Variants in STXBP5L observed in about 807,000 individuals in gnomAD.
STXBP5L encodes the protein syntaxin-binding protein 5-like.
Under a neutral mutation model 144.5 loss-of-function variants are expected in STXBP5L, and 65 were observed. The ratio of observed to expected loss-of-function variants is 0.45; its 90% CI spans 0.37 to 0.55. The LOEUF (loss-of-function observed/expected upper bound fraction) is 0.55, where lower values mean the gene tolerates loss of function less well. Among genes scored for constraint, STXBP5L ranks in the 20% least tolerant of loss-of-function variants. The pLI is 0.00. For missense variants in STXBP5L, 1,298 were observed against 1,405.5 expected (o/e 0.92, Z 1.22); for synonymous variants, 505 against 469.6 (o/e 1.08, Z -0.97).
intron 22 of STXBP5L, among the ~76,000 whole-genome samples, chr3:121,394,754 G>A (rs1297116959): frequency 5.9e-5 from 9 of 151,748 alleles, no homozygotes; most frequent in Non-Finnish European, 4.4e-5. Flanking sequence ...ACAGGCGCCC[G>A]CCACCACGCC....
chr3:121,291,308 A>T (rs1050123713), intron 19 of STXBP5L, among the ~76,000 whole-genome samples: 4 of 151,878 alleles, frequency 2.6e-5, no homozygotes, highest in Non-Finnish European at 4.4e-5. Flanking sequence ...CAACAGCTGT[A>T]AAAAAAATAA....
chr3:121,391,133 G>C (rs1287957027), intron 22 of STXBP5L, among the ~76,000 whole-genome samples: 1 of 151,722 alleles, frequency 6.6e-6, no homozygotes, highest in Admixed American at 6.6e-5. Flanking sequence ...TCATTAATTT[G>C]ATCTTGCATC....
chr3:121,044,311 A>G (rs899807320), intron 4 of STXBP5L, among the ~76,000 whole-genome samples: 1 of 152,266 alleles, frequency 6.6e-6, no homozygotes, highest in African/African-American at 2.4e-5. Flanking sequence ...AAAGAGACCT[A>G]TCATAGGATA....
chr3:121,304,518 G>A (rs2043269046), intron 19 of STXBP5L, among the ~76,000 whole-genome samples: 1 of 152,112 alleles, frequency 6.6e-6, no homozygotes, highest in African/African-American at 2.4e-5. Context: ...AATAGAATGT[G>A]TTCTCTGGCC....
intron 22 of STXBP5L, among the ~76,000 whole-genome samples, chr3:121,383,779 G>A (rs1008902776): frequency 6.6e-6 from 1 of 152,016 alleles, no homozygotes; most frequent in Non-Finnish European, 1.5e-5. Context: ...TAACTGTCCC[G>A]GTCTTCACTC....
intron 19 of STXBP5L, among the ~76,000 whole-genome samples, chr3:121,305,654 G>T (rs1046651410): frequency 2.6e-5 from 4 of 152,008 alleles, no homozygotes; most frequent in South Asian, 4.1e-4. Flanking sequence ...TTCCTCAATA[G>T]AATAAACCGT....
chr3:121,041,906 G>T, intron 4 of STXBP5L, 125 bp downstream of exon 4: 1 of 608,866 alleles, frequency 1.6e-6, no homozygotes, highest in South Asian at 2.5e-5. Flanking sequence ...TATTACTTCT[G>T]ATTATATTTT....
At position 121,419,298 on chromosome 3, in the gene STXBP5L, C is replaced by T. The variant is rs975082706; in HGVS notation, c.*201C>T. 1.2e-5 allele frequency: 6 copies of T among 482,848 alleles called. No individual in the cohort carries two copies. The highest frequency in any genetic ancestry group is 2.0e-5 in the African/African-American group (1 of 49,746). The allele number at this position is 482,848 out of a possible 1,614,324, so 29.9% of individuals were successfully genotyped here. ...GAGCCCTGGTTAAAATCCCAAAATA[C>T]GGCTGAATTTGCCTTTTCCCATGTG... On this transcript the variant is annotated 3_prime_UTR_variant, in exon 27 of 27. Coordinates refer to ENST00000471454, the MANE Select transcript of STXBP5L (RefSeq NM_001308330.2).
chr3:121,364,014 T>A (rs1297807047), intron 20 of STXBP5L, among the ~76,000 whole-genome samples: 1 of 152,216 alleles, frequency 6.6e-6, no homozygotes, highest in East Asian at 1.9e-4. Context: ...ATAGTGTCAT[T>A]TGAGGTACAC....
intron 8 of STXBP5L, among the ~76,000 whole-genome samples, chr3:121,155,720 G>T (rs1176997040): frequency 6.6e-6 from 1 of 151,704 alleles, no homozygotes; most frequent in East Asian, 1.9e-4. Context: ...TAGCTACTCA[G>T]TAATGCACTA....
Position 121,282,574 on chromosome 3 carries a change from C to T in STXBP5L, c.2110+2618C>T, listed in dbSNP as rs74774821. Among the ~76,000 whole-genome samples, 632 of 152,024 alleles carry T rather than the reference C, an allele frequency of 4.2e-3. 4 individuals are homozygous for T. Among genetic ancestry groups the T allele is most frequent in the Middle Eastern group, 0.014 (4 of 292 alleles). On this transcript the variant is annotated intron_variant, in intron 19 of 26. Transcript: ENST00000471454. Reference sequence around the variant, plus strand: ...CATTGTTTCAGTGTTTATTTCCAACCATGCAGACCATGTCCTACTATTCCA... The same window carrying T: ...CATTGTTTCAGTGTTTATTTCCAACTATGCAGACCATGTCCTACTATTCCA...
chr3:121,023,579 A>G (rs1372356381), intron 3 of STXBP5L, among the ~76,000 whole-genome samples: 1 of 152,176 alleles, frequency 6.6e-6, no homozygotes, highest in African/African-American at 2.4e-5. Flanking sequence ...AGAACCCAGA[A>G]ATACAGCCAA....
chr3:120,991,296 A>T (rs1006986098), intron 3 of STXBP5L, among the ~76,000 whole-genome samples: 1 of 151,628 alleles, frequency 6.6e-6, no homozygotes, highest in Non-Finnish European at 1.5e-5. Flanking sequence ...ATCTCACACC[A>T]GTTAGAATGG....
At chr3:121,196,413 A>G (rs142667541) in intron 9 of STXBP5L, among the ~76,000 whole-genome samples, 15,096 of 152,056 alleles carry the variant, frequency 0.099, 1,182 homozygotes, top group Admixed American at 0.2. Context: ...TACTGGGATT[A>G]CAGGCATGAG....
In STXBP5L at chr3:121,178,355, G is replaced by A. The variant is rs568207016; in HGVS notation, c.877+20728G>A. On this transcript the variant is annotated intron_variant, in intron 9 of 26. Coordinates refer to ENST00000471454, the MANE Select transcript of STXBP5L (RefSeq NM_001308330.2). ...TTACAGGTAAGTTGGCCATGTTTCC[G>A]TGTTCCAGTGAGTGAAAGATGATGG... 2.8e-4 allele frequency among the ~76,000 whole-genome samples: 42 copies of A among 152,164 alleles called. 1 individual carries two copies. The South Asian group carries it at 7.5e-3, about 27-fold the overall frequency.
intron 20 of STXBP5L, among the ~76,000 whole-genome samples, chr3:121,318,977 A>G (rs2043879714): frequency 6.6e-6 from 1 of 152,162 alleles, no homozygotes; most frequent in African/African-American, 2.4e-5. Context: ...ACAAGGAAAA[A>G]TGATGATAGA....
At position 121,286,141 on chromosome 3, in the gene STXBP5L, T is replaced by G. The variant is rs191805346; in HGVS notation, c.2110+6185T>G. Among the ~76,000 whole-genome samples, 610 of 152,280 alleles carry G rather than the reference T, an allele frequency of 4.0e-3. 1 individual carries two copies. Among genetic ancestry groups the G allele is most frequent in the Non-Finnish European group, 6.5e-3 (444 of 67,994 alleles). ...TTGCTTGTGCATCAATTTCTAGTTA[T>G]GCAACAAGGGATCCTTTGGAGAGTC... On this transcript the variant is annotated intron_variant, in intron 19 of 26. Transcript: ENST00000471454.
chr3:121,173,078 C>G (rs566366678), intron 9 of STXBP5L, among the ~76,000 whole-genome samples: 18 of 152,096 alleles, frequency 1.2e-4, no homozygotes, highest in Admixed American at 3.3e-4. Flanking sequence ...AACACAAGAA[C>G]AGAAAACCAA....
chr3:121,070,757 T>C (rs542781274), intron 5 of STXBP5L, among the ~76,000 whole-genome samples: 5 of 152,318 alleles, frequency 3.3e-5, no homozygotes, highest in African/African-American at 1.2e-4. Context: ...TTTAGTTTAC[T>C]GAGATGTGCA....
Sources: allele counts gnomAD v4.1 joint callset (sites outside exome capture counted in the v4.1 genomes callset), GRCh38; gene constraint gnomAD v4.1.1; transcripts MANE v1.5; gene names NCBI Gene and HGNC (gene_info 2026-07-23, HGNC 2026-07-21).